Variants in SLC38A2 observed in about 807,000 individuals in gnomAD.
SLC38A2 encodes the protein solute carrier family 38 member 2.
A neutral mutation model predicts 61.5 loss-of-function variants in SLC38A2; 11 were observed. That is an observed-to-expected ratio of 0.18 (90% CI 0.11 to 0.30). The LOEUF (loss-of-function observed/expected upper bound fraction) is 0.30. Among genes scored for constraint, SLC38A2 ranks in the 10% least tolerant of loss-of-function variants. The probability of loss-of-function intolerance (pLI) is 1.00; values close to 1 mark genes in which losing one functional copy is unlikely to be tolerated. For synonymous variants in SLC38A2, 217 were observed against 212.5 expected, an observed-to-expected ratio of 1.02 and a Z score of -0.18; for missense variants, 522 against 600.4, an observed-to-expected ratio of 0.87 and a Z score of 1.36.
At chr12:46,368,589 T>TA (rs1943163150) in intron 4 of SLC38A2, among the ~76,000 whole-genome samples, 1 of 152,174 alleles carries the variant, frequency 6.6e-6, no homozygotes, top group Non-Finnish European at 1.5e-5. Context: ...GGAGAAGAGT[T>TA]ACATGTTTTT....
chr12:46,371,421 C>G, intron 1 of SLC38A2, 42 bp from the exon 2 acceptor site: 1 of 708,270 alleles, frequency 1.4e-6, no homozygotes, highest in Non-Finnish European at 2.4e-6. Flanking sequence ...CAGCGCCAGC[C>G]CGCCGCGGTC....
In SLC38A2 at chr12:46,359,614, T is replaced by C. The variant is rs558331348; in HGVS notation, c.*1497A>G. 2.0e-5 allele frequency: 3 copies of C among 152,718 alleles called. No individual in the cohort carries two copies. Among genetic ancestry groups the C allele is most frequent in the South Asian group, 4.1e-4 (2 of 4,830 alleles). 9.5% of individuals were successfully genotyped at this position (152,718 alleles called of 1,614,324 possible). A position where few individuals can be genotyped will look rare whatever the true frequency, so the allele number is the denominator to read the frequency against. ...TATGTATATTAGATTTTAGACATTA[T>C]GCCTGATGAGCGAAGTACCACATTA... On this transcript the variant is annotated 3_prime_UTR_variant, in exon 16 of 16. Coordinates refer to ENST00000256689, the MANE Select transcript of SLC38A2 (RefSeq NM_018976.5).
At position 46,364,421 on chromosome 12, in the gene SLC38A2, A is replaced by C; in HGVS notation, c.841T>G (p.Cys281Gly). Residue 281 changes from cysteine (C) to glycine (G), a missense_variant, in exon 10 of 16, where the codon TGC (cysteine) becomes GGC (glycine). This residue lies in a region of SLC38A2 where 309 missense variants were observed against 343.9 expected (regional missense o/e 0.90). Transcript: ENST00000256689. ...LSHNVTENDSCRPHYFIFNSQ... is the reference protein window; with the variant it reads ...LSHNVTENDSGRPHYFIFNSQ... ...TTGAAAATAAAATAGTGAGGTCTGC[A>C]AGAGTCATTTTCAGTCACGTTATGT... is the stretch of plus-strand genomic sequence containing the variant. 6.2e-7 allele frequency: 1 copy of C among 1,601,200 alleles called. No individual in the cohort carries two copies. Among genetic ancestry groups the C allele is most frequent in the Non-Finnish European group, 8.5e-7 (1 of 1,176,308 alleles).
Position 46,367,109 on chromosome 12 carries a change from C to T in SLC38A2, c.448G>A (p.Ala150Thr). 1 of 1,614,120 alleles carries T rather than the reference C, an allele frequency of 6.2e-7. No individual in the cohort carries two copies. The highest frequency in any genetic ancestry group is 2.2e-5 in the East Asian group (1 of 44,886). Residue 150 changes from alanine to threonine, a missense_variant, in exon 6 of 16, where the codon GCA (alanine) becomes ACA (threonine). By Grantham distance (58) the Ala-to-Thr change is moderately conservative. This residue lies in a region of SLC38A2 where 111 missense variants were observed against 173.4 expected (regional missense o/e 0.64). Coordinates refer to ENST00000256689, the MANE Select transcript of SLC38A2 (RefSeq NM_018976.5). The stretch of plus-strand genomic sequence containing the variant: ...TTCTGCATTGTAATTGATCCAGATG[C>T]TGCAAGCTTTCCAACTAATCCAAAT... ...KAFGLVGKLA[A>T]SGSITMQNIG...
chr12:46,367,036 G>A (rs186219479), intron 6 of SLC38A2, 40 bp downstream of exon 6: 3 of 1,605,026 alleles, frequency 1.9e-6, no homozygotes, highest in African/African-American at 2.7e-5. Flanking sequence ...TCCACAATGA[G>A]CATAAAGTCT....
chr12:46,370,908 C>G, intron 2 of SLC38A2, 51 bp from the exon 3 acceptor site: 1 of 1,367,786 alleles, frequency 7.3e-7, no homozygotes, highest in Non-Finnish European at 1.0e-6. Flanking sequence ...AAATATCTAT[C>G]ATTACACACA....
chr12:46,362,456 T>C lies in SLC38A2; in HGVS notation c.1324+38A>G, dbSNP rs2307062. The C allele has an allele frequency of 0.015, 24,682 of 1,594,410 alleles. 2,000 individuals carry two copies. In the East Asian group the frequency reaches 0.26, roughly 17 times the overall value. ...TTCATTCTTTAAATCTTAAAATCCCTGATGTTTGAATCCACTTGGATACTT... is the reference window on the plus strand; with the variant it reads ...TTCATTCTTTAAATCTTAAAATCCCCGATGTTTGAATCCACTTGGATACTT... On this transcript the variant is annotated intron_variant, in intron 14 of 15. Coordinates refer to ENST00000256689, the MANE Select transcript of SLC38A2 (RefSeq NM_018976.5).
At position 46,361,033 on chromosome 12, in the gene SLC38A2, T is replaced by G; in HGVS notation, c.*78A>C. On this transcript the variant is annotated 3_prime_UTR_variant, in exon 16 of 16. Coordinates refer to ENST00000256689, the MANE Select transcript of SLC38A2 (RefSeq NM_018976.5). ...TCAAAAGGAAGTGAAACTGAAAACA[T>G]TAGGTGAAATTTCATAGTAGTTGAG... The G allele has an allele frequency of 3.8e-6, 4 of 1,063,090 alleles. No individual in the cohort carries two copies. Among genetic ancestry groups the G allele is most frequent in the Non-Finnish European group, 5.7e-6 (4 of 705,820 alleles). 65.9% of individuals were successfully genotyped at this position (1,063,090 alleles called of 1,614,324 possible).
chr12:46,362,285 C>G lies in SLC38A2; in HGVS notation c.1421G>C (p.Gly474Ala). 1 of 1,599,486 alleles carries G rather than the reference C, an allele frequency of 6.3e-7. No homozygotes were observed. Among genetic ancestry groups the G allele is most frequent in the South Asian group, 1.1e-5 (1 of 88,298 alleles). ...KEPMKSVQKIGALFFLLSGVL... is the reference protein window; with the variant it reads ...KEPMKSVQKIAALFFLLSGVL... ...CTATGGTTATAATCTTTCACTCACC[C>G]CAATCTTTTGTACAGATTTCATAGG... The change falls in exon 15 of 16, where the codon GGG (glycine) becomes GCG (alanine). Residue 474 changes from glycine (G) to alanine (A), a missense_variant and splice_region_variant. Around this residue, in one of 3 missense-constraint regions of SLC38A2, gnomAD observed 309 missense variants for 343.9 expected, o/e 0.90. Coordinates refer to ENST00000256689, the MANE Select transcript of SLC38A2 (RefSeq NM_018976.5).
intron 7 of SLC38A2, among the ~76,000 whole-genome samples, chr12:46,366,635 C>T (rs866661628): frequency 6.6e-5 from 10 of 152,118 alleles, no homozygotes; most frequent in East Asian, 3.8e-4. Flanking sequence ...TCTAGAAAAC[C>T]TGTTTTAGAA....
At chr12:46,370,013 G>A (rs779095350) in intron 4 of SLC38A2, among the ~76,000 whole-genome samples, 16 of 152,096 alleles carry the variant, frequency 1.1e-4, no homozygotes, top group Non-Finnish European at 2.4e-4. Context: ...TGACCTCCTC[G>A]TCTTAAAACA....
chr12:46,369,314 G>A (rs898735729), intron 4 of SLC38A2, among the ~76,000 whole-genome samples: 1 of 152,176 alleles, frequency 6.6e-6, no homozygotes, highest in Non-Finnish European at 1.5e-5. Context: ...CTTAGTAAGA[G>A]TTCTCTCAAA....
intron 8 of SLC38A2, 93 bp from the exon 9 acceptor site, chr12:46,364,795 GAAGACTTTAGGCACTAAAGTA>G: frequency 7.9e-7 from 1 of 1,263,292 alleles, no homozygotes; most frequent in Non-Finnish European, 1.1e-6. Context: ...ATTCTGCTGG[GAAGACTTTAGGCACTAAAGTA>G]TGTGTATAGC....
chr12:46,367,228 G>T lies in SLC38A2; in HGVS notation c.388+39C>A, dbSNP rs150283863. 1,578 of 1,571,910 alleles carry T rather than the reference G, an allele frequency of 1.0e-3. 21 individuals are homozygous for T. In the East Asian group the frequency reaches 0.011, roughly 11 times the overall value. On this transcript the variant is annotated intron_variant, in intron 5 of 15. Coordinates refer to ENST00000256689, the MANE Select transcript of SLC38A2 (RefSeq NM_018976.5). ...TTTTAAAAGAGAAATAAAATGATAG[G>T]TATACATTGTTTTAGAAAAATCAAG... is the stretch of plus-strand genomic sequence containing the variant.
Position 46,358,485 on chromosome 12 carries a change from G to GA in SLC38A2, c.*2625dup. The GA allele has an allele frequency of 6.6e-6, 1 of 152,516 alleles. No individual in the cohort carries two copies. Among genetic ancestry groups the GA allele is most frequent in the East Asian group, 1.9e-4 (1 of 5,200 alleles). 9.4% of individuals were successfully genotyped at this position (152,516 alleles called of 1,614,324 possible). On this transcript the variant is annotated 3_prime_UTR_variant, in exon 16 of 16. Transcript: ENST00000256689. ...ATCTGAATTTGTACCAAGATTTCATGAAAAAATTTGATGTTGTTTATTGCA... is the reference window on the plus strand; with the variant it reads ...ATCTGAATTTGTACCAAGATTTCATGAAAAAAATTTGATGTTGTTTATTGCA...
rs373923751 is a variant in SLC38A2, at chr12:46,367,022, G to A, written c.481+54C>T. On this transcript the variant is annotated intron_variant, in intron 6 of 15. Transcript: ENST00000256689. ...ACTAAAACGCATGTGTCACCATTCT[G>A]TGCTCCACAATGAGCATAAAGTCTA... is the stretch of plus-strand genomic sequence containing the variant. 96 of 1,600,094 alleles carry A rather than the reference G, an allele frequency of 6.0e-5. No individual in the cohort carries two copies. The African/African-American group carries it at 1.2e-3, about 19-fold the overall frequency.
At chr12:46,362,435 T>G in intron 14 of SLC38A2, 54 bp from the exon 15 acceptor site, 1 of 1,596,584 alleles carries the variant, frequency 6.3e-7, no homozygotes, top group Non-Finnish European at 8.5e-7. Flanking sequence ...TCGTCATTCA[T>G]TCTTTAAATC....
chr12:46,364,861 GATTT>G (rs1943123468), intron 8 of SLC38A2, 159 bp from the exon 9 acceptor site: 1 of 693,148 alleles, frequency 1.4e-6, no homozygotes, highest in South Asian at 2.1e-5. Context: ...CTAAATTATA[GATTT>G]ATTTAAATAT....
intron 12 of SLC38A2, 90 bp from the exon 13 acceptor site, chr12:46,363,235 A>G: frequency 7.2e-7 from 1 of 1,390,186 alleles, no homozygotes; most frequent in Non-Finnish European, 1.0e-6. Flanking sequence ...CCAGTTATTT[A>G]GCTACTCACA....
Sources: gnomAD v4.1 joint callset for allele counts (sites outside exome capture counted in the v4.1 genomes callset) on GRCh38, gnomAD v4.1.1 for gene constraint, gnomAD v4.1.1 regional missense constraint, MANE v1.5 for transcripts, NCBI Gene and HGNC (gene_info 2026-07-23, HGNC 2026-07-21) for gene names.